Variants in RFX8 observed in about 807,000 individuals in gnomAD.
RFX8 encodes the protein DNA-binding protein RFX8.
RFX8 carries 46 observed loss-of-function variants against 54.6 expected under a neutral mutation model. That is an observed-to-expected ratio of 0.84 (90% CI 0.67 to 1.08). The LOEUF is 1.08. Among genes scored for constraint, RFX8 ranks in the 50% least tolerant of loss-of-function variants. The pLI is 0.00. For missense variants in RFX8, 536 were observed against 562.3 expected, an observed-to-expected ratio of 0.95 and a Z score of 0.47; for synonymous variants, 192 against 209.5, an observed-to-expected ratio of 0.92 and a Z score of 0.72.
At chr2:101,419,811 G>A (rs889571112) in intron 4 of RFX8, among the ~76,000 whole-genome samples, 1 of 152,154 alleles carries the variant, frequency 6.6e-6, no homozygotes, top group Non-Finnish European at 1.5e-5. Context: ...TTCTAGAGAG[G>A]ACTTCTCCAA....
In RFX8 at chr2:101,469,082, G is replaced by GTATA. The variant is rs398104558; in HGVS notation, c.-52-2186_-52-2183dup. Reference sequence around the variant, plus strand: ...TATATATATGTATATATATATAAGTGTATATATATAAGTATATATATATAA... The same window carrying GTATA: ...TATATATATGTATATATATATAAGTGTATATATATATATAAGTATATATATATAA... On this transcript the variant is annotated intron_variant, in intron 1 of 11. Transcript: ENST00000428343. Among the ~76,000 whole-genome samples the GTATA allele has an allele frequency of 1.7e-3, 82 of 49,282 alleles. 4 individuals carry two copies. The highest frequency in any genetic ancestry group is 5.6e-3 in the African/African-American group (46 of 8,208). 32.3% of individuals were successfully genotyped at this position (49,282 alleles called of 152,430 possible).
chr2:101,453,360 A>G (rs949213538), intron 2 of RFX8, among the ~76,000 whole-genome samples: 7 of 151,200 alleles, frequency 4.6e-5, no homozygotes, highest in Admixed American at 2.0e-4. Flanking sequence ...GATGTTGGCC[A>G]GGCATGGTGA....
intron 2 of RFX8, among the ~76,000 whole-genome samples, chr2:101,431,834 C>T (rs781648729): frequency 6.6e-6 from 1 of 152,096 alleles, no homozygotes; most frequent in Non-Finnish European, 1.5e-5. Context: ...CCCTCCTCAT[C>T]TTTATAGGGA....
At chr2:101,397,810 A>G in intron 11 of RFX8, 86 bp from the exon 12 acceptor site, 11 of 1,185,414 alleles carry the variant, frequency 9.3e-6, no homozygotes, top group Admixed American at 3.0e-5. Flanking sequence ...GAATTCTTCT[A>G]CCAAGCCCGT....
chr2:101,454,289 T>A (rs1688851418), intron 2 of RFX8, among the ~76,000 whole-genome samples: 1 of 152,210 alleles, frequency 6.6e-6, no homozygotes, highest in Non-Finnish European at 1.5e-5. Context: ...CCTAATCCAG[T>A]CTATCATTGA....
intron 2 of RFX8, among the ~76,000 whole-genome samples, chr2:101,427,655 C>A (rs1687253851): frequency 6.6e-6 from 1 of 152,194 alleles, no homozygotes; most frequent in Admixed American, 6.5e-5. Context: ...GGGAACCGCA[C>A]TCTTCAGTGC....
rs576841492 is a variant in RFX8 at position 101,472,259 on chromosome 2, A to C, written c.-53+2377T>G. ...GGGATTTACAGGCGCCCGCCACCAC[A>C]CCCAGCTAATTTTTGTATTTTTAGT... is the stretch of plus-strand genomic sequence containing the variant. On this transcript the variant is annotated intron_variant, in intron 1 of 11. Coordinates refer to ENST00000428343, the MANE Select transcript of RFX8 (RefSeq NM_001145664.2). Among the ~76,000 whole-genome samples, 5 of 151,962 alleles carry C rather than the reference A, an allele frequency of 3.3e-5. No homozygotes were observed. The South Asian group carries it at 6.2e-4, about 19-fold the overall frequency.
At chr2:101,431,664 A>G (rs539936677) in intron 2 of RFX8, among the ~76,000 whole-genome samples, 1 of 152,130 alleles carries the variant, frequency 6.6e-6, no homozygotes, top group Non-Finnish European at 1.5e-5. Flanking sequence ...CTCTCCCTCC[A>G]CCCTGACTCT....
chr2:101,439,273 T>C (rs1022486324), intron 2 of RFX8, among the ~76,000 whole-genome samples: 2 of 151,870 alleles, frequency 1.3e-5, no homozygotes, highest in African/African-American at 4.8e-5. Context: ...TCTTTCTATA[T>C]TCTAGATACT....
Position 101,466,881 on chromosome 2 carries a change from T to A in RFX8, c.-33A>T. 1 of 1,519,564 alleles carries A rather than the reference T, an allele frequency of 6.6e-7. No homozygotes were observed. Among genetic ancestry groups the A allele is most frequent in the South Asian group, 1.2e-5 (1 of 83,400 alleles). 94.1% of individuals were successfully genotyped at this position (1,519,564 alleles called of 1,614,324 possible). A position where few individuals can be genotyped will look rare whatever the true frequency, so the allele number is the denominator to read the frequency against. ...CGAGGGACGCTGCACTCTTCGCAAA[T>A]GCAGAAGTTGTCGACCAACCTGGAG... On this transcript the variant is annotated 5_prime_UTR_variant, in exon 2 of 12. Coordinates refer to ENST00000428343, the MANE Select transcript of RFX8 (RefSeq NM_001145664.2).
chr2:101,455,856 C>T (rs191179535), intron 2 of RFX8, among the ~76,000 whole-genome samples: 4 of 152,230 alleles, frequency 2.6e-5, no homozygotes, highest in Admixed American at 6.5e-5. Flanking sequence ...GAGCATAGAA[C>T]GTTCTTCCAT....
At chr2:101,415,305 C>T (rs1158404960) in intron 6 of RFX8, among the ~76,000 whole-genome samples, 1 of 152,166 alleles carries the variant, frequency 6.6e-6, no homozygotes, top group African/African-American at 2.4e-5. Flanking sequence ...AGACCCCTTG[C>T]CTCTTTCACC....
intron 1 of RFX8, chr2:101,474,300 C>T (rs1207567498): frequency 3.3e-5 from 16 of 487,810 alleles, no homozygotes; most frequent in Non-Finnish European, 5.7e-5. Flanking sequence ...CCTGCAGCAC[C>T]GAGGCAGGCA....
chr2:101,413,998 A>G (rs1686328356), intron 7 of RFX8, among the ~76,000 whole-genome samples: 1 of 152,184 alleles, frequency 6.6e-6, no homozygotes, highest in African/African-American at 2.4e-5. Context: ...GGGTGCTCAC[A>G]GGACTTGAGA....
At chr2:101,407,417 C>T (rs747085847) in intron 9 of RFX8, among the ~76,000 whole-genome samples, 34 of 152,168 alleles carry the variant, frequency 2.2e-4, no homozygotes, top group Non-Finnish European at 4.0e-4. Flanking sequence ...TCCTGCTGGG[C>T]ACGGTGGCTC....
chr2:101,425,912 G>A (rs1042665125), intron 2 of RFX8, among the ~76,000 whole-genome samples: 8 of 152,146 alleles, frequency 5.3e-5, no homozygotes, highest in South Asian at 2.1e-4. Flanking sequence ...GCAAAGAAGA[G>A]GATGGAGAGA....
At chr2:101,473,456 G>A (rs900921638) in intron 1 of RFX8, among the ~76,000 whole-genome samples, 6 of 152,066 alleles carry the variant, frequency 3.9e-5, no homozygotes, top group African/African-American at 1.4e-4. Context: ...TGTTCTTTTG[G>A]AGGAAAGTGG....
chr2:101,422,009 G>C (rs1212805811), intron 3 of RFX8, among the ~76,000 whole-genome samples: 1 of 152,158 alleles, frequency 6.6e-6, no homozygotes, highest in African/African-American at 2.4e-5. Flanking sequence ...CATATTTGCA[G>C]ATTTATTCTA....
At chr2:101,452,352 A>G (rs1688731512) in intron 2 of RFX8, 3 of 1,228,018 alleles carry the variant, frequency 2.4e-6, no homozygotes, top group African/African-American at 3.2e-5. Flanking sequence ...CTTGTTTTTA[A>G]CATTTGAAAT....
Sources: allele counts gnomAD v4.1 joint callset (sites outside exome capture counted in the v4.1 genomes callset), GRCh38; gene constraint gnomAD v4.1.1; transcripts MANE v1.5; gene names NCBI Gene and HGNC (gene_info 2026-07-23, HGNC 2026-07-21).